The following TMEM132D variants were observed in gnomAD, a reference collection of about 807,000 sequenced individuals.
The protein encoded by TMEM132D is mature OL transmembrane protein.
Under a neutral mutation model 62.3 loss-of-function variants are expected in TMEM132D, and 21 were observed. The observed-to-expected ratio is 0.34, with a 90% CI of 0.24 to 0.49. The LOEUF (loss-of-function observed/expected upper bound fraction) is 0.49. Among genes scored for constraint, TMEM132D ranks in the 20% least tolerant of loss-of-function variants. TMEM132D has a pLI of 0.99. For synonymous variants in TMEM132D, 621 were observed against 575.6 expected (o/e 1.08, Z -1.13); for missense variants, 1,346 against 1,402.8 (o/e 0.96, Z 0.65).
chr12:129,235,536 G>C (rs1360242412), intron 4 of TMEM132D, among the ~76,000 whole-genome samples: 1 of 152,036 alleles, frequency 6.6e-6, no homozygotes, highest in Non-Finnish European at 1.5e-5. Context: ...GTTATCAGTG[G>C]TTGATTTTTG....
rs114076453 is a variant in TMEM132D, at chr12:129,595,912, A to G, written c.969-64707T>C. On this transcript the variant is annotated intron_variant, in intron 2 of 8. Coordinates refer to ENST00000422113, the MANE Select transcript of TMEM132D (RefSeq NM_133448.3). ...TTTATGCTGTACACGTTTTGTAAACACTTATTCTACATTATTGTTTGGCCA... is the reference window on the plus strand; with the variant it reads ...TTTATGCTGTACACGTTTTGTAAACGCTTATTCTACATTATTGTTTGGCCA... 5.1e-3 allele frequency among the ~76,000 whole-genome samples: 781 copies of G among 152,306 alleles called. 6 individuals are homozygous for G. Among genetic ancestry groups the G allele is most frequent in the African/African-American group, 0.018 (745 of 41,558 alleles).
chr12:129,553,149 G>C (rs1196679895), intron 2 of TMEM132D, among the ~76,000 whole-genome samples: 2 of 152,084 alleles, frequency 1.3e-5, no homozygotes. Flanking sequence ...TTTGCTCCCA[G>C]CTGTGTCTGA....
chr12:129,510,039 C>T (rs1875452540), intron 3 of TMEM132D, among the ~76,000 whole-genome samples: 1 of 152,128 alleles, frequency 6.6e-6, no homozygotes, highest in South Asian at 2.1e-4. Context: ...TTCTAATGAA[C>T]CTCCAAACTA....
intron 1 of TMEM132D, among the ~76,000 whole-genome samples, chr12:129,877,626 C>G (rs1376296686): frequency 7.0e-6 from 1 of 142,682 alleles, no homozygotes; most frequent in African/African-American, 2.6e-5. Context: ...CACACACACA[C>G]ACAGAGAGAG....
intron 5 of TMEM132D, among the ~76,000 whole-genome samples, chr12:129,148,000 A>G (rs963148566): frequency 3.3e-5 from 5 of 152,162 alleles, no homozygotes; most frequent in Admixed American, 2.0e-4. Flanking sequence ...CATGCGCTTA[A>G]ACAGGATGCC....
At chr12:129,161,342 T>C (rs1281838639) in intron 5 of TMEM132D, among the ~76,000 whole-genome samples, 1 of 152,222 alleles carries the variant, frequency 6.6e-6, no homozygotes, top group African/African-American at 2.4e-5. Flanking sequence ...TAACTGAACA[T>C]CTCAGACTTT....
At chr12:129,098,049 T>C (rs1875171571) in intron 5 of TMEM132D, among the ~76,000 whole-genome samples, 1 of 152,244 alleles carries the variant, frequency 6.6e-6, no homozygotes, top group South Asian at 2.1e-4. Context: ...ATTTTGCATT[T>C]TTACATTTAG....
intron 1 of TMEM132D, among the ~76,000 whole-genome samples, chr12:129,723,799 A>G (rs1263482664): frequency 1.3e-5 from 2 of 152,226 alleles, no homozygotes; most frequent in Non-Finnish European, 2.9e-5. Flanking sequence ...GCCAGGAGCC[A>G]GCACAATGGA....
chr12:129,561,944 A>G (rs1163458390), intron 2 of TMEM132D, among the ~76,000 whole-genome samples: 1 of 152,214 alleles, frequency 6.6e-6, no homozygotes, highest in Non-Finnish European at 1.5e-5. Context: ...AGGAAGGTGA[A>G]AAGTTTCTGT....
chr12:129,743,437 C>G (rs1360447373), intron 1 of TMEM132D, among the ~76,000 whole-genome samples: 1 of 152,182 alleles, frequency 6.6e-6, no homozygotes, highest in East Asian at 1.9e-4. Flanking sequence ...CTCAGCACTT[C>G]TCCTTCCCGC....
At chr12:129,291,317 G>T (rs1881440926) in intron 4 of TMEM132D, among the ~76,000 whole-genome samples, 1 of 152,218 alleles carries the variant, frequency 6.6e-6, no homozygotes, top group Non-Finnish European at 1.5e-5. Flanking sequence ...GAGGCAGCTT[G>T]TAGGTTAAAA....
At chr12:129,830,189 C>A (rs1193420721) in intron 1 of TMEM132D, among the ~76,000 whole-genome samples, 4 of 152,130 alleles carry the variant, frequency 2.6e-5, no homozygotes, top group African/African-American at 9.7e-5. Context: ...TACACACATA[C>A]ACATACATAC....
At position 129,867,117 on chromosome 12, in the gene TMEM132D, G is replaced by A. The variant is rs1874083671; in HGVS notation, c.79+36144C>T. ...CAAAAAAAAAATACAGAAATTAGCTGGGCACGGTGGTATGTGCCTGTAGTC... is the reference window on the plus strand; with the variant it reads ...CAAAAAAAAAATACAGAAATTAGCTAGGCACGGTGGTATGTGCCTGTAGTC... On this transcript the variant is annotated intron_variant, in intron 1 of 8. Transcript: ENST00000422113. The surrounding 1 kb of genome is among the most constrained non-coding windows in gnomAD (Gnocchi z 4.5). Among the ~76,000 whole-genome samples, 1 of 151,924 alleles carries A rather than the reference G, an allele frequency of 6.6e-6. No homozygotes were observed. The highest frequency in any genetic ancestry group is 2.1e-4 in the South Asian group (1 of 4,796).
chr12:129,665,503 G>C (rs1166471432), intron 2 of TMEM132D, among the ~76,000 whole-genome samples: 1 of 151,872 alleles, frequency 6.6e-6, no homozygotes, highest in African/African-American at 2.4e-5. Flanking sequence ...AGGGCTTCTA[G>C]GCTTTTTTTT....
At chr12:129,896,811 T>C (rs1053545915) in intron 1 of TMEM132D, among the ~76,000 whole-genome samples, 35 of 152,196 alleles carry the variant, frequency 2.3e-4, no homozygotes, top group Non-Finnish European at 2.4e-4. Flanking sequence ...ACTTACTTTA[T>C]ATACTTTACT....
At chr12:129,244,719 C>T (rs147479035) in intron 4 of TMEM132D, among the ~76,000 whole-genome samples, 125 of 152,194 alleles carry the variant, frequency 8.2e-4, no homozygotes, top group Non-Finnish European at 1.6e-3. Context: ...CAGCTTGCTG[C>T]AATCTCCACT....
At chr12:129,375,104 A>AG (rs1168254585) in intron 3 of TMEM132D, among the ~76,000 whole-genome samples, 1 of 152,210 alleles carries the variant, frequency 6.6e-6, no homozygotes, top group Non-Finnish European at 1.5e-5. Context: ...TGCTCCGGGA[A>AG]CTTGGGCTGC....
At chr12:129,719,965 C>T (rs376657105) in intron 1 of TMEM132D, among the ~76,000 whole-genome samples, 22 of 151,748 alleles carry the variant, frequency 1.4e-4, no homozygotes, top group African/African-American at 4.9e-4. Context: ...TGCCTTATTC[C>T]GCTTTAAAAT....
intron 4 of TMEM132D, among the ~76,000 whole-genome samples, chr12:129,255,901 G>A (rs1475115457): frequency 6.6e-6 from 1 of 152,224 alleles, no homozygotes; most frequent in East Asian, 1.9e-4. Flanking sequence ...AGAACCAATT[G>A]CTATGTCCTT....
Sources: allele counts gnomAD v4.1 joint callset (sites outside exome capture counted in the v4.1 genomes callset), GRCh38; gene constraint gnomAD v4.1.1; non-coding constraint Gnocchi (gnomAD v3.1); transcripts MANE v1.5; gene names NCBI Gene and HGNC (gene_info 2026-07-23, HGNC 2026-07-21).